C2orf76: variants seen among roughly 807,000 people sequenced by gnomAD.
The protein encoded by C2orf76 is UPF0538 protein C2orf76.
C2orf76 carries 23 observed loss-of-function variants against 16.9 expected under a neutral mutation model. That is an observed-to-expected ratio of 1.36 (90% CI 0.98 to 1.93). The LOEUF is 1.93. C2orf76 is among the 30% of genes most tolerant of loss of function. The pLI, the probability that C2orf76 is intolerant of heterozygous loss-of-function variation, is 0.00. For missense variants in C2orf76, 152 were observed against 152.6 expected, an observed-to-expected ratio of 1.00 and a Z score of 0.02; for synonymous variants, 48 against 52.3, an observed-to-expected ratio of 0.92 and a Z score of 0.35.
intron 2 of C2orf76, among the ~76,000 whole-genome samples, chr2:119,324,637 A>G (rs1679451054): frequency 2.6e-5 from 4 of 152,194 alleles, no homozygotes; most frequent in African/African-American, 9.7e-5. Context: ...TTTAATGCCT[A>G]CAGTTGCCAG....
intron 2 of C2orf76, among the ~76,000 whole-genome samples, chr2:119,323,663 T>G (rs954699144): frequency 2.6e-5 from 4 of 152,010 alleles, no homozygotes; most frequent in Non-Finnish European, 4.4e-5. Context: ...AAAAAAACCC[T>G]GAGATGATTC....
intron 1 of C2orf76, among the ~76,000 whole-genome samples, chr2:119,347,871 G>C (rs769053288): frequency 3.1e-4 from 47 of 151,744 alleles, no homozygotes; most frequent in Middle Eastern, 3.4e-3. Flanking sequence ...GAGTATAGTC[G>C]ATTTTACAGC....
At chr2:119,326,289 A>G (rs151089589) in intron 2 of C2orf76, among the ~76,000 whole-genome samples, 107 of 152,312 alleles carry the variant, frequency 7.0e-4, no homozygotes, top group African/African-American at 2.5e-3. Flanking sequence ...ATTTATTTGC[A>G]TATGGCTATC....
intron 1 of C2orf76, 68 bp from the exon 2 acceptor site, chr2:119,340,039 G>A (rs1679977008): frequency 6.6e-7 from 1 of 1,526,398 alleles, no homozygotes; most frequent in Non-Finnish European, 9.0e-7. Flanking sequence ...CACCTAGCCT[G>A]CATCTCTATC....
chr2:119,286,403 G>A, the C2orf76 span, among the ~76,000 whole-genome samples: 2 of 152,034 alleles, frequency 1.3e-5, no homozygotes, highest in Non-Finnish European at 2.9e-5. Context: ...TGCCTCCCAG[G>A]ATGAATGCTA....
intron 1 of C2orf76, among the ~76,000 whole-genome samples, chr2:119,351,340 T>C (rs1680397055): frequency 6.6e-6 from 1 of 152,146 alleles, no homozygotes; most frequent in Non-Finnish European, 1.5e-5. Context: ...GTCTGCGCTA[T>C]GCTTGGGGGA....
chr2:119,358,277 AAC>A (rs1251853699), intron 1 of C2orf76, among the ~76,000 whole-genome samples: 1 of 152,156 alleles, frequency 6.6e-6, no homozygotes, highest in Non-Finnish European at 1.5e-5. Context: ...TATTACAGTG[AAC>A]ACACAAATGG....
chr2:119,316,406 CT>C (rs1322381564), intron 4 of C2orf76, among the ~76,000 whole-genome samples: 6 of 151,852 alleles, frequency 4.0e-5, no homozygotes, highest in African/African-American at 1.5e-4. Context: ...AAACCCTTGA[CT>C]TTTGCTCAGT....
chr2:119,296,407 A>G, the C2orf76 span, among the ~76,000 whole-genome samples: 1 of 152,184 alleles, frequency 6.6e-6, no homozygotes, highest in African/African-American at 2.4e-5. Context: ...GCATGCATAC[A>G]TGTATGCATG....
chr2:119,292,093 C>T, the C2orf76 span, among the ~76,000 whole-genome samples: 1 of 152,096 alleles, frequency 6.6e-6, no homozygotes, highest in Admixed American at 6.6e-5. Flanking sequence ...CAAATGATTC[C>T]AATATATGCA....
intron 1 of C2orf76, among the ~76,000 whole-genome samples, chr2:119,348,423 ACGC>A (rs1214277308): frequency 4.6e-5 from 7 of 152,254 alleles, no homozygotes; most frequent in Admixed American, 4.6e-4. Flanking sequence ...ACAGTGGCTC[ACGC>A]CTGTAATCCC....
chr2:119,356,856 A>G (rs1022332914), intron 1 of C2orf76, among the ~76,000 whole-genome samples: 8 of 152,190 alleles, frequency 5.3e-5, no homozygotes, highest in African/African-American at 1.7e-4. Context: ...TAATAAGGGA[A>G]TACTATGAAC....
chr2:119,292,718 G>C, the C2orf76 span, among the ~76,000 whole-genome samples: 1 of 152,102 alleles, frequency 6.6e-6, no homozygotes, highest in East Asian at 1.9e-4. Flanking sequence ...TCAACAAGCT[G>C]TAAAGTTTCG....
the C2orf76 span, among the ~76,000 whole-genome samples, chr2:119,290,821 C>T: frequency 1.3e-5 from 2 of 152,198 alleles, no homozygotes; most frequent in Admixed American, 1.3e-4. Context: ...CAGAGTGAGA[C>T]TCCGCCTCAA....
chr2:119,285,388 G>C, the C2orf76 span, among the ~76,000 whole-genome samples: 1 of 150,594 alleles, frequency 6.6e-6, no homozygotes, highest in Non-Finnish European at 1.5e-5. Flanking sequence ...GGAGCTTCTT[G>C]GGGGAAGTGC....
At chr2:119,324,450 GAAAACGTGGGCTGTCCTCTC>G (rs2104572533) in intron 2 of C2orf76, among the ~76,000 whole-genome samples, 1 of 152,256 alleles carries the variant, frequency 6.6e-6, no homozygotes, top group East Asian at 1.9e-4. Flanking sequence ...TCCTCGGGAT[GAAAACGTGGGCTGTCCTCTC>G]AAAACCTAGG....
rs1418329017 is a variant in C2orf76 at position 119,302,261 on chromosome 2, T to TCAA, written c.*208_*210dup. 2 of 366,748 alleles carry TCAA rather than the reference T, an allele frequency of 5.5e-6. No individual in the cohort carries two copies. The highest frequency in any genetic ancestry group is 4.9e-6 in the Non-Finnish European group (1 of 202,534). 22.7% of individuals were successfully genotyped at this position (366,748 alleles called of 1,614,324 possible). ...AACAATTTATTTCCCTTTAAAAAGATCAAATGTTTTTCTCATAATATATTA... is the reference window on the plus strand; with the variant it reads ...AACAATTTATTTCCCTTTAAAAAGATCAACAAATGTTTTTCTCATAATATATTA... On this transcript the variant is annotated 3_prime_UTR_variant, in exon 6 of 6. Coordinates refer to ENST00000334816, the MANE Select transcript of C2orf76 (RefSeq NM_001322331.2).
intron 4 of C2orf76, among the ~76,000 whole-genome samples, chr2:119,316,207 G>A (rs1465886460): frequency 6.6e-6 from 1 of 152,224 alleles, no homozygotes; most frequent in South Asian, 2.1e-4. Context: ...TCCCAGAGGA[G>A]AGAAATTGGA....
At chr2:119,305,910 A>C (rs1429582078) in intron 5 of C2orf76, among the ~76,000 whole-genome samples, 1 of 150,970 alleles carries the variant, frequency 6.6e-6, no homozygotes, top group Non-Finnish European at 1.5e-5. Context: ...TACAGTTTGA[A>C]GAAAACAACT....
Sources: gnomAD v4.1 joint callset for allele counts (sites outside exome capture counted in the v4.1 genomes callset) on GRCh38, gnomAD v4.1.1 for gene constraint, MANE v1.5 for transcripts, NCBI Gene and HGNC (gene_info 2026-07-23, HGNC 2026-07-21) for gene names.